The following RAB3GAP1 variants were observed in gnomAD, a reference collection of about 807,000 sequenced individuals.
The protein encoded by RAB3GAP1 is RAB3 GTPase activating protein catalytic subunit 1.
Under a neutral mutation model 130.7 loss-of-function variants are expected in RAB3GAP1, and 86 were observed. That is an observed-to-expected ratio of 0.66 (90% CI 0.55 to 0.79). RAB3GAP1 has a LOEUF of 0.79. Among genes scored for constraint, RAB3GAP1 ranks in the 30% least tolerant of loss-of-function variants. The probability of loss-of-function intolerance (pLI) is 0.00; values close to 1 mark genes in which losing one functional copy is unlikely to be tolerated. For synonymous variants in RAB3GAP1, 367 were observed against 401.7 expected, an observed-to-expected ratio of 0.91 and a Z score of 1.03; for missense variants, 1,029 against 1,169.4, an observed-to-expected ratio of 0.88 and a Z score of 1.75.
At chr2:135,133,280 T>G (rs1459076443) in intron 14 of RAB3GAP1, among the ~76,000 whole-genome samples, 1 of 152,170 alleles carries the variant, frequency 6.6e-6, no homozygotes, top group Non-Finnish European at 1.5e-5. Context: ...CAGCAGATTC[T>G]TTTTGATATT....
At chr2:135,126,287 AAACTTC>A (rs770392761) in intron 10 of RAB3GAP1, 38 bp downstream of exon 10, 1 of 1,457,104 alleles carries the variant, frequency 6.9e-7, no homozygotes, top group Non-Finnish European at 9.5e-7. Flanking sequence ...TGAGATTAAA[AAACTTC>A]AGTAGAATAA....
chr2:135,171,380 T>C (rs1435706436), downstream of RAB3GAP1, among the ~76,000 whole-genome samples: 4 of 152,118 alleles, frequency 2.6e-5, no homozygotes, highest in South Asian at 6.2e-4. Flanking sequence ...GGAGAGGAGA[T>C]GCTAAGAAAG....
At chr2:135,132,319 T>G (rs1691570973) in intron 13 of RAB3GAP1, among the ~76,000 whole-genome samples, 3 of 152,014 alleles carry the variant, frequency 2.0e-5, no homozygotes, top group Non-Finnish European at 4.4e-5. Flanking sequence ...TACACTGGAT[T>G]TTTTTTTGAC....
Position 135,131,518 on chromosome 2 carries a change from C to T in RAB3GAP1, c.1236+797C>T, listed in dbSNP as rs980777472. Among the ~76,000 whole-genome samples the T allele has an allele frequency of 2.6e-5, 4 of 152,192 alleles. No homozygotes were observed. The East Asian group carries it at 5.8e-4, about 22-fold the overall frequency. On this transcript the variant is annotated intron_variant, in intron 13 of 23. Transcript: ENST00000264158. ...CTGCTGGGATTACAGGCGTGAGCCA[C>T]CGCACCTGGCCCCGGAAGTATATTT...
At chr2:135,120,613 G>A (rs1175981925) in intron 7 of RAB3GAP1, among the ~76,000 whole-genome samples, 1 of 152,014 alleles carries the variant, frequency 6.6e-6, no homozygotes, top group Non-Finnish European at 1.5e-5. Flanking sequence ...TAATGACTTC[G>A]GTGACTTATT....
chr2:135,156,938 A>G (rs1462221401), intron 19 of RAB3GAP1, among the ~76,000 whole-genome samples: 1 of 152,230 alleles, frequency 6.6e-6, no homozygotes, highest in Non-Finnish European at 1.5e-5. Flanking sequence ...AACATACAGT[A>G]ATCAGTAGCA....
At chr2:135,119,531 C>T (rs1691134354) in intron 7 of RAB3GAP1, among the ~76,000 whole-genome samples, 1 of 152,170 alleles carries the variant, frequency 6.6e-6, no homozygotes. Flanking sequence ...TAGGTGAATG[C>T]TCATTTGATA....
At chr2:135,143,556 C>CTTTT (rs770650929) in intron 17 of RAB3GAP1, among the ~76,000 whole-genome samples, 5 of 135,100 alleles carry the variant, frequency 3.7e-5, no homozygotes, top group East Asian at 2.1e-4. Context: ...TAACATGCTA[C>CTTTT]TTTTTTTTTT....
At chr2:135,123,812 G>T (rs1691269247) in intron 8 of RAB3GAP1, among the ~76,000 whole-genome samples, 1 of 151,978 alleles carries the variant, frequency 6.6e-6, no homozygotes. Context: ...TAAATACTTG[G>T]ATACTCTTTT....
At chr2:135,142,832 A>T (rs1014822367) in intron 17 of RAB3GAP1, among the ~76,000 whole-genome samples, 5 of 151,914 alleles carry the variant, frequency 3.3e-5, no homozygotes, top group Admixed American at 3.3e-4. Flanking sequence ...AAACATCCTT[A>T]CATTCCTGGT....
At chr2:135,125,834 G>A (rs765633382) in intron 9 of RAB3GAP1, among the ~76,000 whole-genome samples, 1 of 152,176 alleles carries the variant, frequency 6.6e-6, no homozygotes, top group African/African-American at 2.4e-5. Flanking sequence ...TAGGGTAACT[G>A]AAGCTGCAGA....
downstream of RAB3GAP1, among the ~76,000 whole-genome samples, chr2:135,174,834 C>T (rs368760133): frequency 4.6e-5 from 7 of 152,196 alleles, no homozygotes; most frequent in South Asian, 2.1e-4. Flanking sequence ...GAAGGGAGTG[C>T]GACGGTGGGA....
Position 135,169,025 on chromosome 2 carries a change from T to TGGGG in RAB3GAP1, c.*248_*251dup. The TGGGG allele has an allele frequency of 3.7e-5, 2 of 53,840 alleles. No homozygotes were observed. Among genetic ancestry groups the TGGGG allele is most frequent in the Non-Finnish European group, 6.5e-5 (2 of 30,720 alleles). 3.3% of individuals were successfully genotyped at this position (53,840 alleles called of 1,614,324 possible). On this transcript the variant is annotated 3_prime_UTR_variant, in exon 24 of 24. Coordinates refer to ENST00000264158, the MANE Select transcript of RAB3GAP1 (RefSeq NM_012233.3). ...CTGCCCTAGAGATGGCCTTTGTATA[T>TGGGG]GGGGGGGTGGTGGGGGGACACAAAC... is the stretch of plus-strand genomic sequence containing the variant.
intron 17 of RAB3GAP1, among the ~76,000 whole-genome samples, chr2:135,140,256 C>T (rs539703158): frequency 2.2e-4 from 34 of 152,218 alleles, no homozygotes; most frequent in Middle Eastern, 6.8e-3. Context: ...GGATATATTC[C>T]TAAGAGTAGA....
At chr2:135,165,123 G>T (rs1382182620) in intron 23 of RAB3GAP1, 1 of 455,800 alleles carries the variant, frequency 2.2e-6, no homozygotes, top group South Asian at 1.6e-5. Context: ...AATTGTTCTT[G>T]TAATGGTGAG....
chr2:135,150,928 T>C (rs977298045), intron 18 of RAB3GAP1, among the ~76,000 whole-genome samples: 8 of 151,918 alleles, frequency 5.3e-5, no homozygotes, highest in African/African-American at 1.7e-4. Context: ...TTACAGTTGA[T>C]TGAGGTTGTG....
chr2:135,134,180 C>T (rs1268201610), intron 15 of RAB3GAP1, 147 bp downstream of exon 15: 1 of 804,582 alleles, frequency 1.2e-6, no homozygotes, highest in Admixed American at 2.8e-5. Context: ...GAGGTGTTCA[C>T]TGCAGCAAAT....
chr2:135,108,907 C>T (rs1290117101), intron 5 of RAB3GAP1, among the ~76,000 whole-genome samples: 1 of 152,086 alleles, frequency 6.6e-6, no homozygotes, highest in African/African-American at 2.4e-5. Flanking sequence ...ATGTGGATGT[C>T]CAGTTGTTCT....
downstream of RAB3GAP1, among the ~76,000 whole-genome samples, chr2:135,170,887 A>G (rs1692831043): frequency 6.6e-6 from 1 of 151,846 alleles, no homozygotes; most frequent in Non-Finnish European, 1.5e-5. Flanking sequence ...TGAAATCATG[A>G]TTTTCATTGT....
Sources: gnomAD v4.1 joint callset for allele counts (sites outside exome capture counted in the v4.1 genomes callset) on GRCh38, gnomAD v4.1.1 for gene constraint, MANE v1.5 for transcripts, NCBI Gene and HGNC (gene_info 2026-07-23, HGNC 2026-07-21) for gene names.